RIMS2: variants seen among roughly 807,000 people sequenced by gnomAD.
RIMS2 encodes regulating synaptic membrane exocytosis protein 2.
A neutral mutation model predicts 174.4 loss-of-function variants in RIMS2; 59 were observed. The observed-to-expected ratio is 0.34, with a 90% CI of 0.27 to 0.42. RIMS2 has a LOEUF of 0.42. Ranked by LOEUF, RIMS2 falls within the 10% of genes least tolerant of loss-of-function variation. The pLI is 1.00. For missense variants in RIMS2, 1,620 were observed against 1,666.3 expected, an observed-to-expected ratio of 0.97 and a Z score of 0.48; for synonymous variants, 606 against 572.5, an observed-to-expected ratio of 1.06 and a Z score of -0.84.
At chr8:103,886,625 T>C (rs1031820582) in intron 4 of RIMS2, among the ~76,000 whole-genome samples, 2 of 152,004 alleles carry the variant, frequency 1.3e-5, no homozygotes, top group African/African-American at 4.8e-5. Flanking sequence ...ATGCAAGTTA[T>C]CCATATTTCT....
chr8:103,604,643 C>T (rs1295732465), intron 1 of RIMS2, among the ~76,000 whole-genome samples: 1 of 147,336 alleles, frequency 6.8e-6, no homozygotes, highest in African/African-American at 2.5e-5. Context: ...ATGGAATGTT[C>T]TTCCATTTGT....
rs1021586555 is a variant in RIMS2 at position 103,847,210 on chromosome 8, C to A, written c.699-38088C>A. Among the ~76,000 whole-genome samples, 5 of 152,062 alleles carry A rather than the reference C, an allele frequency of 3.3e-5. No individual in the cohort carries two copies. The South Asian group carries it at 1.0e-3, about 31-fold the overall frequency. Reference sequence around the variant, plus strand: ...ACAGATTTCCCAAGTGGATAACTGGCAGTAATGGTTAGTGGTGCCACTCCT... The same window carrying A: ...ACAGATTTCCCAAGTGGATAACTGGAAGTAATGGTTAGTGGTGCCACTCCT... On this transcript the variant is annotated intron_variant, in intron 3 of 23. Transcript: ENST00000504942.
At chr8:104,226,007 C>G (rs2099185854) in intron 19 of RIMS2, among the ~76,000 whole-genome samples, 1 of 152,152 alleles carries the variant, frequency 6.6e-6, no homozygotes, top group South Asian at 2.1e-4. Context: ...AAATCATTGG[C>G]CTAAAGCAGT....
intron 1 of RIMS2, among the ~76,000 whole-genome samples, chr8:103,607,186 G>T (rs2134007248): frequency 6.6e-6 from 1 of 152,108 alleles, no homozygotes; most frequent in South Asian, 2.1e-4. Flanking sequence ...AGCTCTTTTA[G>T]GGCAGGCCTC....
rs143552318 is a variant in RIMS2, at chr8:103,554,371, G to A, written c.176+53309G>A. On this transcript the variant is annotated intron_variant, in intron 1 of 23. Transcript: ENST00000504942. ...AAAAAACAAACAGCACCATTAAAAA[G>A]TGGGCAAAGGACATGAACAGATGCT... Among the ~76,000 whole-genome samples the A allele has an allele frequency of 4.4e-4, 67 of 152,268 alleles. 1 individual carries two copies. The East Asian group carries it at 0.012, about 26-fold the overall frequency.
chr8:104,107,267 C>T (rs2098088139), intron 19 of RIMS2, among the ~76,000 whole-genome samples: 1 of 152,128 alleles, frequency 6.6e-6, no homozygotes. Context: ...ACTCAACTCA[C>T]ATGTGAATTC....
At chr8:104,199,740 G>A (rs78207466) in intron 19 of RIMS2, among the ~76,000 whole-genome samples, 18 of 152,236 alleles carry the variant, frequency 1.2e-4, no homozygotes, top group Admixed American at 3.3e-4. Flanking sequence ...TTCTATGAGC[G>A]GCACACAATA....
intron 1 of RIMS2, among the ~76,000 whole-genome samples, chr8:103,607,859 T>C (rs1249847687): frequency 7.4e-6 from 1 of 134,316 alleles, no homozygotes; most frequent in Non-Finnish European, 1.6e-5. Flanking sequence ...CATCAGCTCC[T>C]TTAAGCACTT....
At chr8:104,129,151 G>A (rs1269610244) in intron 19 of RIMS2, among the ~76,000 whole-genome samples, 1 of 151,950 alleles carries the variant, frequency 6.6e-6, no homozygotes, top group African/African-American at 2.4e-5. Flanking sequence ...TTGAGAGTGT[G>A]AGGCAGGATA....
At chr8:103,633,106 A>C (rs2135285208) in intron 1 of RIMS2, among the ~76,000 whole-genome samples, 1 of 150,056 alleles carries the variant, frequency 6.7e-6, no homozygotes, top group South Asian at 2.1e-4. Flanking sequence ...GGCTCACTGC[A>C]ACCTCCATCT....
At chr8:104,018,007 G>A (rs1183225237) in intron 19 of RIMS2, among the ~76,000 whole-genome samples, 4 of 152,116 alleles carry the variant, frequency 2.6e-5, no homozygotes, top group Non-Finnish European at 5.9e-5. Flanking sequence ...CCCAGGAGAC[G>A]CAGGTTGCAG....
chr8:103,566,375 G>T (rs1485258714), intron 1 of RIMS2, among the ~76,000 whole-genome samples: 1 of 152,080 alleles, frequency 6.6e-6, no homozygotes, highest in Non-Finnish European at 1.5e-5. Context: ...CTCTTTCTCA[G>T]TTGTTTCAGG....
intron 1 of RIMS2, among the ~76,000 whole-genome samples, chr8:103,535,773 G>A (rs1023299369): frequency 1.3e-5 from 2 of 152,344 alleles, no homozygotes; most frequent in Non-Finnish European, 2.9e-5. Flanking sequence ...AGATTCGAGT[G>A]ATGAAGAGAA....
chr8:104,220,634 G>A (rs1294803736), intron 19 of RIMS2, among the ~76,000 whole-genome samples: 1 of 152,020 alleles, frequency 6.6e-6, no homozygotes, highest in Non-Finnish European at 1.5e-5. Flanking sequence ...ATCCCACTCT[G>A]TTACCCAGGC....
chr8:103,608,714 T>G (rs907749596), intron 1 of RIMS2, among the ~76,000 whole-genome samples: 1 of 152,072 alleles, frequency 6.6e-6, no homozygotes, highest in Non-Finnish European at 1.5e-5. Flanking sequence ...TTTAAGCCCT[T>G]CAGAAAAGCG....
intron 1 of RIMS2, among the ~76,000 whole-genome samples, chr8:103,620,795 G>A (rs1228811432): frequency 2.0e-5 from 3 of 152,004 alleles, no homozygotes; most frequent in African/African-American, 7.2e-5. Context: ...GGCATATAGT[G>A]GTTACTCAGT....
At chr8:104,230,011 G>T (rs1045131217) in intron 19 of RIMS2, among the ~76,000 whole-genome samples, 1 of 152,168 alleles carries the variant, frequency 6.6e-6, no homozygotes, top group Admixed American at 6.5e-5. Context: ...CCGGCATGCT[G>T]GCTCACACCT....
chr8:104,217,680 A>C (rs1464225995), intron 19 of RIMS2, among the ~76,000 whole-genome samples: 3 of 152,248 alleles, frequency 2.0e-5, no homozygotes, highest in Non-Finnish European at 4.4e-5. Context: ...AACCAAAAAT[A>C]CTTTTGAAAA....
Position 103,992,177 on chromosome 8 carries a change from C to G in RIMS2, c.3044+2756C>G, listed in dbSNP as rs559186220. Reference sequence around the variant, plus strand: ...AGGCTGGAGTTCAATGGCGTTTTCTCAGCTCACTGCAACCTCTGCCTCCCA... The same window carrying G: ...AGGCTGGAGTTCAATGGCGTTTTCTGAGCTCACTGCAACCTCTGCCTCCCA... On this transcript the variant is annotated intron_variant, in intron 17 of 23. Coordinates refer to ENST00000504942, the Ensembl canonical transcript of RIMS2. Among the ~76,000 whole-genome samples, 6 of 152,080 alleles carry G rather than the reference C, an allele frequency of 3.9e-5. No homozygotes were observed. In the East Asian group the frequency reaches 1.2e-3, roughly 29 times the overall value.
Sources: allele counts gnomAD v4.1 joint callset (sites outside exome capture counted in the v4.1 genomes callset), GRCh38; gene constraint gnomAD v4.1.1; transcripts MANE v1.5; gene names NCBI Gene and HGNC (gene_info 2026-07-23, HGNC 2026-07-21).